The following C10orf90 variants were observed in gnomAD, a reference collection of about 807,000 sequenced individuals.
C10orf90 encodes the protein (E2-independent) E3 ubiquitin-conjugating enzyme FATS.
In C10orf90, 56 loss-of-function variants were observed where a neutral mutation model predicts 62.5. The observed-to-expected ratio is 0.90, with a 90% CI of 0.72 to 1.12. The LOEUF (loss-of-function observed/expected upper bound fraction) is 1.12. Among genes scored for constraint, C10orf90 ranks in the 50% most tolerant of loss-of-function variants. The pLI is 0.00. For missense variants in C10orf90, 970 were observed against 880.4 expected, an observed-to-expected ratio of 1.10 and a Z score of -1.29; for synonymous variants, 386 against 340.4, an observed-to-expected ratio of 1.13 and a Z score of -1.47.
intron 2 of C10orf90, among the ~76,000 whole-genome samples, chr10:126,637,976 G>A (rs187883057): frequency 6.6e-6 from 1 of 152,290 alleles, no homozygotes; most frequent in East Asian, 1.9e-4. Context: ...GGGCCCCAAA[G>A]ATGGTGAGGA....
At chr10:126,447,745 A>G (rs2134054509) in intron 7 of C10orf90, among the ~76,000 whole-genome samples, 1 of 152,356 alleles carries the variant, frequency 6.6e-6, no homozygotes, top group South Asian at 2.1e-4. Context: ...TCTCAAGTGT[A>G]CATAGAACAT....
At chr10:126,532,382 A>G (rs1335481346) in intron 2 of C10orf90, among the ~76,000 whole-genome samples, 1 of 152,072 alleles carries the variant, frequency 6.6e-6, no homozygotes, top group African/African-American at 2.4e-5. Context: ...TCACAATTGC[A>G]TCTTTCTCCC....
chr10:126,661,258 C>A (rs1372112694), intron 1 of C10orf90, among the ~76,000 whole-genome samples: 1 of 152,192 alleles, frequency 6.6e-6, no homozygotes, highest in Non-Finnish European at 1.5e-5. Flanking sequence ...ACTTGGACAA[C>A]AACAACAACT....
At chr10:126,501,614 A>C (rs2133874755) in intron 4 of C10orf90, among the ~76,000 whole-genome samples, 1 of 152,290 alleles carries the variant, frequency 6.6e-6, no homozygotes, top group Non-Finnish European at 1.5e-5. Context: ...AGTTACCCAG[A>C]TGAGGAGTTC....
intron 7 of C10orf90, among the ~76,000 whole-genome samples, chr10:126,450,379 A>T (rs1859100403): frequency 6.6e-6 from 1 of 152,224 alleles, no homozygotes; most frequent in Non-Finnish European, 1.5e-5. Context: ...AGACGACTCC[A>T]AATAGCCCAA....
At chr10:126,543,746 A>G (rs1364035077) in intron 2 of C10orf90, among the ~76,000 whole-genome samples, 1 of 152,224 alleles carries the variant, frequency 6.6e-6, no homozygotes, top group African/African-American at 2.4e-5. Flanking sequence ...TCTCTGGAAA[A>G]TAAACTGTTG....
intron 3 of C10orf90, among the ~76,000 whole-genome samples, chr10:126,506,463 C>A (rs1177541845): frequency 6.6e-6 from 1 of 152,254 alleles, no homozygotes; most frequent in Non-Finnish European, 1.5e-5. Context: ...CCACTGCTTG[C>A]AGAGAATCTT....
At chr10:126,665,124 T>A (rs1846600401) in intron 1 of C10orf90, among the ~76,000 whole-genome samples, 1 of 152,102 alleles carries the variant, frequency 6.6e-6, no homozygotes, top group Non-Finnish European at 1.5e-5. Context: ...GTGGCAGAGC[T>A]CATGGAAGTC....
intron 2 of C10orf90, among the ~76,000 whole-genome samples, chr10:126,533,014 G>A (rs1371532677): frequency 6.6e-6 from 1 of 150,422 alleles, no homozygotes; most frequent in Non-Finnish European, 1.5e-5. Flanking sequence ...CTCACTGCAA[G>A]CTCCACCTCC....
chr10:126,462,035 G>C (rs1288249249), intron 5 of C10orf90, among the ~76,000 whole-genome samples: 1 of 152,098 alleles, frequency 6.6e-6, no homozygotes, highest in African/African-American at 2.4e-5. Flanking sequence ...TGCTGGAGAC[G>C]ACCACTGGCT....
chr10:126,492,280 G>A (rs763797108), intron 4 of C10orf90, among the ~76,000 whole-genome samples: 2 of 152,198 alleles, frequency 1.3e-5, no homozygotes, highest in Non-Finnish European at 2.9e-5. Context: ...GCATCTAATG[G>A]TAGAGGCCAG....
intron 4 of C10orf90, among the ~76,000 whole-genome samples, chr10:126,486,287 A>G (rs1314003396): frequency 2.0e-5 from 3 of 152,242 alleles, no homozygotes; most frequent in African/African-American, 7.2e-5. Flanking sequence ...CTGGAAATTT[A>G]GCAAGAAGTA....
At position 126,636,809 on chromosome 10, in the gene C10orf90, T is replaced by C. The variant is rs991684988; in HGVS notation, c.313+9756A>G. 5.3e-5 allele frequency among the ~76,000 whole-genome samples: 8 copies of C among 152,226 alleles called. 1 individual carries two copies. Among genetic ancestry groups the C allele is most frequent in the African/African-American group, 1.7e-4 (7 of 41,460 alleles). On this transcript the variant is annotated intron_variant, in intron 2 of 9. Coordinates refer to ENST00000488181, the MANE Select transcript of C10orf90 (RefSeq NM_001350921.2). ...ACTAAAAAAAATAAAAATAACACTT[T>C]AGCTCATAACCAAGTCTATTCTCTC...
intron 2 of C10orf90, among the ~76,000 whole-genome samples, chr10:126,641,250 T>G (rs1268208691): frequency 6.6e-6 from 1 of 152,286 alleles, no homozygotes; most frequent in African/African-American, 2.4e-5. Flanking sequence ...ATAGGGTTTA[T>G]TGGGGCAACT....
chr10:126,522,578 G>T (rs1564855428), intron 2 of C10orf90: 1 of 152,194 alleles, frequency 6.6e-6, no homozygotes, highest in African/African-American at 2.4e-5. Context: ...TGGCTAAAAC[G>T]CATTGCACGT....
intron 2 of C10orf90, among the ~76,000 whole-genome samples, chr10:126,578,787 A>C (rs112469502): frequency 3.9e-5 from 6 of 152,352 alleles, no homozygotes; most frequent in African/African-American, 1.4e-4. Flanking sequence ...ACACAATACA[A>C]CAATTACACA....
chr10:126,604,618 T>C (rs186859546), intron 2 of C10orf90, among the ~76,000 whole-genome samples: 2 of 152,274 alleles, frequency 1.3e-5, no homozygotes, highest in East Asian at 3.9e-4. Context: ...TGGGGATTCT[T>C]TCCCCCTCAG....
chr10:126,658,528 T>A (rs1846441694), intron 1 of C10orf90, among the ~76,000 whole-genome samples: 1 of 152,256 alleles, frequency 6.6e-6, no homozygotes, highest in South Asian at 2.1e-4. Context: ...TTTAGGTGAA[T>A]CCACCTGTGA....
chr10:126,612,476 G>A (rs1356994297), intron 2 of C10orf90, among the ~76,000 whole-genome samples: 1 of 152,214 alleles, frequency 6.6e-6, no homozygotes, highest in Non-Finnish European at 1.5e-5. Flanking sequence ...GCCACCCTGT[G>A]AGAGACGCTA....
Sources: gnomAD v4.1 joint callset for allele counts (sites outside exome capture counted in the v4.1 genomes callset) on GRCh38, gnomAD v4.1.1 for gene constraint, MANE v1.5 for transcripts, NCBI Gene and HGNC (gene_info 2026-07-23, HGNC 2026-07-21) for gene names.